The following GRIK1 variants were observed in gnomAD, a reference collection of about 807,000 sequenced individuals.
GRIK1 encodes glutamate ionotropic receptor kainate type subunit 1, also known as glutamate receptor ionotropic, kainate 1.
In GRIK1, 69 loss-of-function variants were observed where a neutral mutation model predicts 105.7. The ratio of observed to expected loss-of-function variants is 0.65; its 90% CI spans 0.54 to 0.80. GRIK1 has a LOEUF of 0.80. Ranked by LOEUF, GRIK1 falls within the 30% of genes least tolerant of loss-of-function variation. The pLI, the probability that GRIK1 is intolerant of heterozygous loss-of-function variation, is 0.00. For synonymous variants in GRIK1, 438 were observed against 431.3 expected (o/e 1.02, Z -0.19); for missense variants, 1,109 against 1,167.3 (o/e 0.95, Z 0.73).
intron 1 of GRIK1, among the ~76,000 whole-genome samples, chr21:29,895,649 T>A (rs191955873): frequency 6.6e-6 from 1 of 152,336 alleles, no homozygotes; most frequent in East Asian, 1.9e-4. Flanking sequence ...CAGTTGATTT[T>A]ACTTTGTCTA....
chr21:29,786,579 C>T (rs2066266990), intron 1 of GRIK1, among the ~76,000 whole-genome samples: 1 of 152,198 alleles, frequency 6.6e-6, no homozygotes, highest in Non-Finnish European at 1.5e-5. Context: ...TGTCCAGCTT[C>T]TTTCACCAGT....
intron 1 of GRIK1, among the ~76,000 whole-genome samples, chr21:29,734,956 C>T (rs1366165001): frequency 6.6e-6 from 1 of 152,116 alleles, no homozygotes; most frequent in Non-Finnish European, 1.5e-5. Flanking sequence ...CCTTAAATTG[C>T]CTGCTCTCCA....
At chr21:29,704,708 T>C (rs1349188056) in intron 1 of GRIK1, among the ~76,000 whole-genome samples, 1 of 152,218 alleles carries the variant, frequency 6.6e-6, no homozygotes, top group East Asian at 1.9e-4. Context: ...TGAGACTGCC[T>C]GACTTTTTCC....
chr21:29,650,486 C>T (rs1384070859), intron 6 of GRIK1, among the ~76,000 whole-genome samples: 1 of 152,144 alleles, frequency 6.6e-6, no homozygotes, highest in Non-Finnish European at 1.5e-5. Flanking sequence ...GTGCATTTGA[C>T]AAGAGACAAA....
At position 29,580,220 on chromosome 21, in the gene GRIK1, C is replaced by G. The variant is rs1361256292; in HGVS notation, c.1912+1205G>C. On this transcript the variant is annotated intron_variant, in intron 13 of 17. Coordinates refer to ENST00000327783, the MANE Select transcript of GRIK1 (RefSeq NM_001330994.2). ...GAGAAGACAAGCTATAGGGAAGGAG[C>G]AGGGGTCTCCTTCACTCTGAAAGTA... is the stretch of plus-strand genomic sequence containing the variant. Among the ~76,000 whole-genome samples, 3 of 149,576 alleles carry G rather than the reference C, an allele frequency of 2.0e-5. No individual in the cohort carries two copies. The East Asian group carries it at 5.9e-4, about 29-fold the overall frequency.
intron 16 of GRIK1, chr21:29,553,754 G>A (rs1435461127): frequency 9.5e-6 from 12 of 1,259,410 alleles, no homozygotes; most frequent in Non-Finnish European, 1.2e-5. Context: ...GAATAAATCA[G>A]AAGCAAGAAT....
chr21:29,760,468 GT>G (rs1164292877), intron 1 of GRIK1: 5 of 152,224 alleles, frequency 3.3e-5, no homozygotes, highest in Non-Finnish European at 5.9e-5. Flanking sequence ...TTAAATACAA[GT>G]AAGCTTGGCG....
intron 1 of GRIK1, among the ~76,000 whole-genome samples, chr21:29,902,617 C>T (rs1173917706): frequency 6.6e-6 from 1 of 152,174 alleles, no homozygotes; most frequent in East Asian, 1.9e-4. Context: ...AGGAGAACTA[C>T]AAACCACTAC....
chr21:29,608,449 C>T (rs564058569), intron 7 of GRIK1, among the ~76,000 whole-genome samples: 32 of 152,018 alleles, frequency 2.1e-4, no homozygotes, highest in African/African-American at 7.5e-4. Flanking sequence ...AAAATTTTGG[C>T]GAAGTTTACC....
intron 1 of GRIK1, among the ~76,000 whole-genome samples, chr21:29,897,630 G>T (rs1326212966): frequency 1.3e-5 from 2 of 152,272 alleles, no homozygotes; most frequent in Middle Eastern, 3.4e-3. Flanking sequence ...TTGAGTCCAG[G>T]TTATAAAAAA....
intron 12 of GRIK1, among the ~76,000 whole-genome samples, chr21:29,586,986 T>C (rs777846156): frequency 6.6e-6 from 1 of 152,228 alleles, no homozygotes. Flanking sequence ...TTTTTATGTT[T>C]TGCTTATCCA....
chr21:29,931,230 T>C (rs1423193813), intron 1 of GRIK1, among the ~76,000 whole-genome samples: 1 of 152,206 alleles, frequency 6.6e-6, no homozygotes, highest in Non-Finnish European at 1.5e-5. Context: ...GCATTCAGGA[T>C]AGCACATTAC....
At chr21:29,683,615 G>A (rs896534011) in intron 3 of GRIK1, among the ~76,000 whole-genome samples, 9 of 152,092 alleles carry the variant, frequency 5.9e-5, no homozygotes, top group Admixed American at 4.6e-4. Context: ...AGACACTGGC[G>A]ACTACTAGAG....
At chr21:29,814,650 T>C (rs563108911) in intron 1 of GRIK1, among the ~76,000 whole-genome samples, 1 of 152,242 alleles carries the variant, frequency 6.6e-6, no homozygotes, top group East Asian at 1.9e-4. Context: ...GGGGTTGTTA[T>C]GGTGACAGGA....
At chr21:29,817,885 A>C (rs1268567019) in intron 1 of GRIK1, among the ~76,000 whole-genome samples, 1 of 152,156 alleles carries the variant, frequency 6.6e-6, no homozygotes, top group Non-Finnish European at 1.5e-5. Context: ...ACCCAACCCA[A>C]TATTTAGTTG....
intron 1 of GRIK1, among the ~76,000 whole-genome samples, chr21:29,775,924 A>G (rs929189169): frequency 6.6e-6 from 1 of 152,172 alleles, no homozygotes; most frequent in Non-Finnish European, 1.5e-5. Context: ...AGACTGGGTA[A>G]TTTATAAAGG....
At position 29,664,851 on chromosome 21, in the gene GRIK1, C is replaced by T. The variant is rs1026801250; in HGVS notation, c.726+8132G>A. On this transcript the variant is annotated intron_variant, in intron 4 of 17. Coordinates refer to ENST00000327783, the MANE Select transcript of GRIK1 (RefSeq NM_001330994.2). The stretch of plus-strand genomic sequence containing the variant: ...GCTTCTTTAGAAAATCTGACGGACA[C>T]TACAAACCCCTTTCCACAAAAAAGG... Among the ~76,000 whole-genome samples, 7 of 152,282 alleles carry T rather than the reference C, an allele frequency of 4.6e-5. No individual in the cohort carries two copies. In the East Asian group the frequency reaches 1.4e-3, roughly 29 times the overall value.
intron 1 of GRIK1, among the ~76,000 whole-genome samples, chr21:29,712,396 T>C (rs1221908703): frequency 2.0e-5 from 3 of 152,234 alleles, no homozygotes; most frequent in Middle Eastern, 3.4e-3. Context: ...AGTTCTTTTA[T>C]ATAAAATTAT....
intron 1 of GRIK1, among the ~76,000 whole-genome samples, chr21:29,783,674 T>G (rs990344857): frequency 6.6e-6 from 1 of 152,206 alleles, no homozygotes; most frequent in Non-Finnish European, 1.5e-5. Context: ...TGGTTTGTTG[T>G]TTTACACATA....
Sources: gnomAD v4.1 joint callset for allele counts (sites outside exome capture counted in the v4.1 genomes callset) on GRCh38, gnomAD v4.1.1 for gene constraint, MANE v1.5 for transcripts, NCBI Gene and HGNC (gene_info 2026-07-23, HGNC 2026-07-21) for gene names.